Variants in REDIC1 observed in about 807,000 individuals in gnomAD.
REDIC1 encodes HEI10 Interacting Protein 1.
chr12:39,827,445 C>T, the REDIC1 span, among the ~76,000 whole-genome samples: 1 of 152,166 alleles, frequency 6.6e-6, no homozygotes, highest in African/African-American at 2.4e-5. Context: ...TGGAGCTTAT[C>T]TCACTCAGCA....
the REDIC1 span, chr12:39,684,450 C>A: frequency 4.6e-6 from 1 of 217,994 alleles, no homozygotes; most frequent in Non-Finnish European, 7.8e-6. Flanking sequence ...TAAAAAGATG[C>A]AATTTTAGTG....
chr12:39,709,736 C>A, the REDIC1 span, among the ~76,000 whole-genome samples: 1 of 151,708 alleles, frequency 6.6e-6, no homozygotes, highest in Non-Finnish European at 1.5e-5. Flanking sequence ...TGTATCCATT[C>A]TTTCATTGGT....
the REDIC1 span, among the ~76,000 whole-genome samples, chr12:39,778,372 T>C: frequency 6.6e-6 from 1 of 152,140 alleles, no homozygotes. Flanking sequence ...TTGCCAGCTC[T>C]TGGGGGCCAG....
At chr12:39,718,788 C>G in the REDIC1 span, among the ~76,000 whole-genome samples, 1 of 152,040 alleles carries the variant, frequency 6.6e-6, no homozygotes, top group East Asian at 1.9e-4. Flanking sequence ...GCTTCTTGGT[C>G]TGCAGAAGCT....
chr12:39,745,059 A>C, the REDIC1 span, among the ~76,000 whole-genome samples: 1 of 152,216 alleles, frequency 6.6e-6, no homozygotes, highest in Non-Finnish European at 1.5e-5. Flanking sequence ...GACAGAGTAG[A>C]CTTCAGAGCA....
the REDIC1 span, among the ~76,000 whole-genome samples, chr12:39,812,337 TTTTTCTTTTCTTTTCTTTTC>T: frequency 0.018 from 2,437 of 135,238 alleles, 53 homozygotes; most frequent in East Asian, 0.056. Context: ...ACTAATTTCT[TTTTTCTTTTCTTTTCTTTTC>T]TTTTCTTTTC....
chr12:39,627,199 T>C, the REDIC1 span, among the ~76,000 whole-genome samples: 2 of 152,244 alleles, frequency 1.3e-5, no homozygotes, highest in South Asian at 4.1e-4. Flanking sequence ...CTAAGTATTG[T>C]AGCTATGCCT....
chr12:39,712,787 G>A, the REDIC1 span, among the ~76,000 whole-genome samples: 8 of 129,848 alleles, frequency 6.2e-5, 1 homozygote, highest in East Asian at 2.2e-4. Context: ...GTGTATATAC[G>A]TATATGTATA....
At chr12:39,854,358 T>C in the REDIC1 span, among the ~76,000 whole-genome samples, 17 of 152,290 alleles carry the variant, frequency 1.1e-4, no homozygotes, top group Non-Finnish European at 7.4e-5. Context: ...ACAGAAACTA[T>C]TATTATTTTA....
chr12:39,695,530 G>T, the REDIC1 span, among the ~76,000 whole-genome samples: 10,596 of 152,204 alleles, frequency 0.07, 1,299 homozygotes, highest in African/African-American at 0.24. Flanking sequence ...GAAAGGGAAG[G>T]GTGGGAAGGA....
the REDIC1 span, among the ~76,000 whole-genome samples, chr12:39,740,282 A>G: frequency 1.3e-5 from 2 of 152,196 alleles, no homozygotes; most frequent in East Asian, 1.9e-4. Context: ...AGCATGTAGG[A>G]AAAAATTTTA....
At chr12:39,827,723 A>G in the REDIC1 span, among the ~76,000 whole-genome samples, 1 of 152,092 alleles carries the variant, frequency 6.6e-6, no homozygotes, top group Non-Finnish European at 1.5e-5. Flanking sequence ...AACAACATAG[A>G]TATAGAAAAC....
chr12:39,775,621 A>G, the REDIC1 span, among the ~76,000 whole-genome samples: 1 of 152,238 alleles, frequency 6.6e-6, no homozygotes, highest in East Asian at 1.9e-4. Flanking sequence ...GCCATGGCCT[A>G]CTTCATAAAG....
chr12:39,633,916 G>T, the REDIC1 span, among the ~76,000 whole-genome samples: 1 of 151,962 alleles, frequency 6.6e-6, no homozygotes, highest in South Asian at 2.1e-4. Context: ...TAAAAAGTTT[G>T]TTTTTTTGGT....
the REDIC1 span, among the ~76,000 whole-genome samples, chr12:39,793,692 C>G: frequency 6.6e-6 from 1 of 152,078 alleles, no homozygotes; most frequent in Non-Finnish European, 1.5e-5. Flanking sequence ...TTAGGCATTC[C>G]AAACAGAAAC....
chr12:39,641,061 C>T, the REDIC1 span: 7 of 1,238,320 alleles, frequency 5.7e-6, no homozygotes, highest in South Asian at 1.2e-5. Flanking sequence ...GCTTTTCTAC[C>T]ACTAATACAT....
chr12:39,807,462 A>T, the REDIC1 span, among the ~76,000 whole-genome samples: 6 of 152,208 alleles, frequency 3.9e-5, no homozygotes, highest in African/African-American at 1.4e-4. Context: ...AGTACATGGG[A>T]TCTCTACATT....
the REDIC1 span, among the ~76,000 whole-genome samples, chr12:39,712,412 G>GTA: frequency 1.1e-4 from 14 of 121,920 alleles, no homozygotes; most frequent in African/African-American, 3.3e-4. Context: ...ATATACATAC[G>GTA]TATATACATA....
the REDIC1 span, among the ~76,000 whole-genome samples, chr12:39,709,313 G>A: frequency 3.4e-5 from 3 of 87,868 alleles, no homozygotes; most frequent in Non-Finnish European, 8.0e-5. Flanking sequence ...GTGATTCTTA[G>A]CATCTATGGG....
Sources: gnomAD v4.1 joint callset for allele counts (sites outside exome capture counted in the v4.1 genomes callset) on GRCh38, gnomAD v4.1.1 for gene constraint, MANE v1.5 for transcripts, NCBI Gene and HGNC (gene_info 2026-07-23, HGNC 2026-07-21) for gene names.